SCN3A: variants seen among roughly 807,000 people sequenced by gnomAD.
SCN3A encodes sodium channel protein type 3 subunit alpha.
A neutral mutation model predicts 187.6 loss-of-function variants in SCN3A; 60 were observed. The ratio of observed to expected loss-of-function variants is 0.32; its 90% CI spans 0.26 to 0.40. SCN3A has a LOEUF of 0.40. Among genes scored for constraint, SCN3A ranks in the 10% least tolerant of loss-of-function variants. The probability of loss-of-function intolerance (pLI) is 1.00; values close to 1 mark genes in which losing one functional copy is unlikely to be tolerated. For synonymous variants in SCN3A, 788 were observed against 829.2 expected (o/e 0.95, Z 0.85); for missense variants, 1,601 against 2,428.2 (o/e 0.66, Z 7.16).
intron 3 of SCN3A, among the ~76,000 whole-genome samples, chr2:165,173,661 G>A (rs906354041): frequency 2.0e-5 from 3 of 152,064 alleles, no homozygotes; most frequent in Admixed American, 6.6e-5. Flanking sequence ...ATGCTTTAAA[G>A]CTTTTAAATG....
Position 165,176,187 on chromosome 2 carries a change from G to C in SCN3A, c.208C>G (p.Pro70Ala), listed in dbSNP as rs764443863. Residue 70 changes from proline to alanine, a missense_variant, in exon 3 of 28, where the codon CCA becomes GCA. This residue lies in a region of SCN3A where 122 missense variants were observed against 225.1 expected (regional missense o/e 0.54). Coordinates refer to ENST00000283254, the MANE Select transcript of SCN3A (RefSeq NM_006922.4). ...TCCAGGGGCTCTGACACCATCTCTGGAGGAATGTCTCCATAAATAAATGGA... is the reference window on the plus strand; with the variant it reads ...TCCAGGGGCTCTGACACCATCTCTGCAGGAATGTCTCCATAAATAAATGGA... Reference protein sequence around the residue: ...NLPFIYGDIPPEMVSEPLEDL... With the variant: ...NLPFIYGDIPAEMVSEPLEDL... 3.7e-6 allele frequency: 6 copies of C among 1,613,890 alleles called. No individual in the cohort carries two copies. The Admixed American group carries it at 1.0e-4, about 27-fold the overall frequency.
intron 3 of SCN3A, among the ~76,000 whole-genome samples, chr2:165,174,150 C>G (rs1690297197): frequency 6.6e-6 from 1 of 152,198 alleles, no homozygotes; most frequent in African/African-American, 2.4e-5. Context: ...CTCAAGCAAT[C>G]CTCCTGCCTT....
At position 165,140,523 on chromosome 2, in the gene SCN3A, A is replaced by T; in HGVS notation, c.2019+128T>A. On this transcript the variant is annotated intron_variant, in intron 13 of 27. Transcript: ENST00000283254. The surrounding 1 kb of genome is among the most constrained non-coding windows in gnomAD (Gnocchi z 4.2). ...ATATTCTATTGTTTTCCCTTTGATT[A>T]ATCATGTATTATTTTTACCAACTTT... 2 of 766,828 alleles carry T rather than the reference A, an allele frequency of 2.6e-6. No homozygotes were observed. Among genetic ancestry groups the T allele is most frequent in the Non-Finnish European group, 4.6e-6 (2 of 437,052 alleles). The allele number at this position is 766,828 out of a possible 1,614,324, so 47.5% of individuals were successfully genotyped here.
At chr2:165,141,592 C>T (rs1226758783) in intron 12 of SCN3A, among the ~76,000 whole-genome samples, 1 of 152,152 alleles carries the variant, frequency 6.6e-6, no homozygotes, top group East Asian at 1.9e-4. Context: ...TTTGTCTCTA[C>T]CCACATGGGA....
chr2:165,155,673 A>T, intron 10 of SCN3A, 89 bp downstream of exon 10: 2 of 1,474,752 alleles, frequency 1.4e-6, no homozygotes, highest in Non-Finnish European at 9.5e-7. Context: ...TGCTAGGGTT[A>T]CAGGCATGAG....
chr2:165,151,839 A>G (rs568585798), intron 11 of SCN3A, among the ~76,000 whole-genome samples: 56 of 152,260 alleles, frequency 3.7e-4, no homozygotes, highest in South Asian at 1.4e-3. Context: ...AGGATAAGAG[A>G]GAACACCACC....
intron 15 of SCN3A, among the ~76,000 whole-genome samples, chr2:165,131,761 C>T (rs1433872872): frequency 7.9e-6 from 1 of 126,544 alleles, no homozygotes; most frequent in African/African-American, 2.9e-5. Flanking sequence ...CTCCCCCGAC[C>T]CCACAACAGT....
intron 12 of SCN3A, among the ~76,000 whole-genome samples, chr2:165,146,502 T>C (rs1017159670): frequency 6.7e-6 from 1 of 148,664 alleles, no homozygotes; most frequent in Non-Finnish European, 1.5e-5. Flanking sequence ...CTATATATTA[T>C]ATCAATATAT....
In SCN3A at chr2:165,186,037, C is replaced by T. The variant is rs189795364; in HGVS notation, c.-51+514G>A. The stretch of plus-strand genomic sequence containing the variant: ...CTGTAATCCCAGCACTTTGGGAGGC[C>T]GAGGCAGGCAGATCACGAGGTCAGG... On this transcript the variant is annotated intron_variant, in intron 2 of 27. Transcript: ENST00000283254. Among the ~76,000 whole-genome samples the T allele has an allele frequency of 7.0e-4, 107 of 152,066 alleles. No individual in the cohort carries two copies. In the East Asian group the frequency reaches 0.019, roughly 27 times the overall value.
intron 18 of SCN3A, among the ~76,000 whole-genome samples, chr2:165,116,049 C>T (rs1338398586): frequency 6.6e-6 from 1 of 152,044 alleles, no homozygotes; most frequent in Non-Finnish European, 1.5e-5. Flanking sequence ...TAAGTATTGT[C>T]CATGTTTCTA....
chr2:165,171,982 A>G (rs1267547597), intron 3 of SCN3A, among the ~76,000 whole-genome samples: 1 of 152,156 alleles, frequency 6.6e-6, no homozygotes, highest in Non-Finnish European at 1.5e-5. Flanking sequence ...TTTACTTAAT[A>G]ATATGTTTCT....
chr2:165,188,555 C>T (rs151306724), intron 1 of SCN3A, among the ~76,000 whole-genome samples: 1,786 of 152,028 alleles, frequency 0.012, 29 homozygotes, highest in Middle Eastern at 0.044. Context: ...TTTGGGAGGC[C>T]GAGGCGGGTG....
At chr2:165,113,745 T>A in intron 20 of SCN3A, 71 bp downstream of exon 20, 2 of 1,501,042 alleles carry the variant, frequency 1.3e-6, no homozygotes, top group Admixed American at 1.7e-5. Context: ...GCTCAGTGTT[T>A]GCATCTGGTA....
At chr2:165,106,807 A>C (rs1046273854) in intron 21 of SCN3A, among the ~76,000 whole-genome samples, 1 of 152,188 alleles carries the variant, frequency 6.6e-6, no homozygotes, top group Non-Finnish European at 1.5e-5. Flanking sequence ...TAAGAAGAAA[A>C]AGAGTGATGT....
intron 2 of SCN3A, among the ~76,000 whole-genome samples, chr2:165,179,152 T>C (rs944825754): frequency 2.6e-5 from 4 of 152,124 alleles, no homozygotes; most frequent in Non-Finnish European, 4.4e-5. Context: ...AAAAGGTTGA[T>C]TTGAGGATTT....
rs572034971 is a variant in SCN3A, at chr2:165,193,865, G to T, written c.-247-7118C>A. Among the ~76,000 whole-genome samples, 7 of 152,184 alleles carry T rather than the reference G, an allele frequency of 4.6e-5. No individual in the cohort carries two copies. The South Asian group carries it at 1.5e-3, about 32-fold the overall frequency. On this transcript the variant is annotated intron_variant, in intron 1 of 27. Coordinates refer to ENST00000283254, the MANE Select transcript of SCN3A (RefSeq NM_006922.4). ...AGGTTTTAATCACTGCTTTCAGATG[G>T]GTGCAAATGGTAAACCACACTGGAG...
intron 12 of SCN3A, 70 bp downstream of exon 12, chr2:165,146,669 A>G: frequency 6.3e-7 from 1 of 1,575,690 alleles, no homozygotes; most frequent in African/African-American, 1.3e-5. Context: ...AAGTGTACCA[A>G]AACAAAATAC....
At chr2:165,124,413 T>C (rs771370268) in intron 18 of SCN3A, among the ~76,000 whole-genome samples, 15 of 152,304 alleles carry the variant, frequency 9.8e-5, no homozygotes, top group Non-Finnish European at 1.2e-4. Flanking sequence ...ATCGTATTAA[T>C]CTAGAAAAAG....
intron 1 of SCN3A, among the ~76,000 whole-genome samples, chr2:165,201,450 G>A (rs1277649986): frequency 2.6e-5 from 4 of 152,136 alleles, no homozygotes; most frequent in Non-Finnish European, 4.4e-5. Context: ...ATGCCTTTAT[G>A]TTTGTCCTGT....
Sources: allele counts gnomAD v4.1 joint callset (sites outside exome capture counted in the v4.1 genomes callset), GRCh38; gene constraint gnomAD v4.1.1; regional missense constraint gnomAD v4.1.1; non-coding constraint Gnocchi (gnomAD v3.1); transcripts MANE v1.5; gene names NCBI Gene and HGNC (gene_info 2026-07-23, HGNC 2026-07-21).